The following CRBN variants were observed in gnomAD, a reference collection of about 807,000 sequenced individuals.
CRBN encodes the protein protein cereblon.
In CRBN, 53 loss-of-function variants were observed where a neutral mutation model predicts 62.2. The observed-to-expected ratio is 0.85, with a 90% confidence interval of 0.68 to 1.07. CRBN has a LOEUF of 1.07. Among genes scored for constraint, CRBN ranks in the 50% least tolerant of loss-of-function variants. The probability of loss-of-function intolerance (pLI) is 0.00; values close to 1 mark genes in which losing one functional copy is unlikely to be tolerated. For missense variants in CRBN, 616 were observed against 531.1 expected (o/e 1.16, Z -1.57); for synonymous variants, 208 against 176.1 (o/e 1.18, Z -1.43).
downstream of CRBN, chr3:3,149,839 A>ATTAGT (rs1008783154): frequency 2.0e-5 from 3 of 152,156 alleles, no homozygotes; most frequent in African/African-American, 7.2e-5. Context: ...ATTTAACCTG[A>ATTAGT]TTAGTTTTAA....
At chr3:3,170,357 C>T (rs1275505571) in intron 4 of CRBN, among the ~76,000 whole-genome samples, 1 of 152,020 alleles carries the variant, frequency 6.6e-6, no homozygotes, top group African/African-American at 2.4e-5. Context: ...TTTTATTTTT[C>T]TATATGCTTA....
chr3:3,170,521 T>C (rs1051748045), intron 4 of CRBN, among the ~76,000 whole-genome samples: 6 of 152,188 alleles, frequency 3.9e-5, no homozygotes, highest in Admixed American at 2.0e-4. Context: ...CTGTCGCTTA[T>C]TTGCTGTTTA....
intron 4 of CRBN, among the ~76,000 whole-genome samples, chr3:3,171,152 T>G (rs1204564156): frequency 6.6e-6 from 1 of 152,212 alleles, no homozygotes; most frequent in East Asian, 1.9e-4. Flanking sequence ...TGTCTTGTTT[T>G]CAGAGTTAAC....
In CRBN at chr3:3,167,727, T is replaced by C. The variant is rs778178677; in HGVS notation, c.594A>G (p.Gln198=). The part of the protein sequence containing the change: ...CVLPSTMSAV[Q]LESLNKCQIF... ...TCTGGCACTTATTGAGGGATTCTAA[T>C]TGAACTGCAGACATGGTTGAAGGCA... Residue 198 remains glutamine (Q), a synonymous_variant, in exon 5 of 11, where the codon CAA becomes CAG. Transcript: ENST00000231948. 10 of 1,613,562 alleles carry C rather than the reference T, an allele frequency of 6.2e-6. No homozygotes were observed. The highest frequency in any genetic ancestry group is 2.7e-5 in the African/African-American group (2 of 74,908).
chr3:3,152,629 A>C, intron 9 of CRBN, 42 bp from the exon 10 acceptor site: 1 of 1,612,766 alleles, frequency 6.2e-7, no homozygotes, highest in African/African-American at 1.3e-5. Context: ...CAAAACGAGA[A>C]GTCTAATTTT....
rs1045309 is a variant in CRBN, at chr3:3,174,217, G to C, written c.219C>G (p.His73Gln). The change falls in exon 3 of 11, where the codon CAC becomes CAG. Residue 73 changes from histidine (H) to glutamine (Q), a missense_variant. Physicochemically the swap from His to Gln is conservative, Grantham distance 24. Coordinates refer to ENST00000231948, the MANE Select transcript of CRBN (RefSeq NM_016302.4). ...DMEEFHGRTL[H>Q]DDDSCQVIPV... Reference sequence around the variant, plus strand: ...GAATCACCTGACAGCTGTCGTCATCGTGCAAAGTCCTGCCATGAAATTCTT... The same window carrying C: ...GAATCACCTGACAGCTGTCGTCATCCTGCAAAGTCCTGCCATGAAATTCTT... 1 of 1,614,106 alleles carries C rather than the reference G, an allele frequency of 6.2e-7. No homozygotes were observed. Among genetic ancestry groups the C allele is most frequent in the African/African-American group, 1.3e-5 (1 of 75,010 alleles).
chr3:3,159,658 T>C (rs1707055533), intron 5 of CRBN, among the ~76,000 whole-genome samples: 1 of 152,190 alleles, frequency 6.6e-6, no homozygotes, highest in South Asian at 2.1e-4. Context: ...TAAAATTCTT[T>C]ATCTGGAGCA....
At chr3:3,158,536 C>G (rs570193895) in intron 5 of CRBN, among the ~76,000 whole-genome samples, 1 of 152,324 alleles carries the variant, frequency 6.6e-6, no homozygotes, top group Admixed American at 6.5e-5. Context: ...AGATTATTGT[C>G]ACAGTCCAGT....
intron 6 of CRBN, 134 bp downstream of exon 6, chr3:3,156,085 T>G: frequency 3.8e-6 from 3 of 784,894 alleles, no homozygotes; most frequent in Middle Eastern, 3.7e-4. Flanking sequence ...ATTACAGGTG[T>G]GAGCCACCAC....
intron 1 of CRBN, 43 bp downstream of exon 1, chr3:3,179,578 C>T: frequency 6.3e-7 from 1 of 1,593,310 alleles, no homozygotes; most frequent in Non-Finnish European, 8.6e-7. Flanking sequence ...GGCTCCGAGC[C>T]TCGCCCCACT....
intron 3 of CRBN, among the ~76,000 whole-genome samples, chr3:3,173,256 C>G (rs1181303293): frequency 2.6e-5 from 4 of 152,082 alleles, no homozygotes; most frequent in African/African-American, 7.2e-5. Context: ...CGGGGTTTCA[C>G]CATGTTGGTC....
intron 5 of CRBN, among the ~76,000 whole-genome samples, chr3:3,158,559 G>T (rs539206695): frequency 6.6e-6 from 1 of 152,188 alleles, no homozygotes; most frequent in African/African-American, 2.4e-5. Context: ...CAGAATTTAA[G>T]AAAATACTAC....
In CRBN at chr3:3,154,452, G is replaced by T. The variant is rs541198849; in HGVS notation, c.835+295C>A. 6.3e-6 allele frequency: 3 copies of T among 477,694 alleles called. No individual in the cohort carries two copies. In the East Asian group the frequency reaches 1.2e-4, roughly 20 times the overall value. 29.6% of individuals were successfully genotyped at this position (477,694 alleles called of 1,614,324 possible). ...CTTTTAAAGGCACCTTGAAGAACAG[G>T]GAAAGGAGTCCTTACACAGGAAGTG... On this transcript the variant is annotated intron_variant, in intron 7 of 10. Coordinates refer to ENST00000231948, the MANE Select transcript of CRBN (RefSeq NM_016302.4).
At chr3:3,153,230 C>A (rs1463680429) in intron 9 of CRBN, 194 bp downstream of exon 9, 3 of 542,018 alleles carry the variant, frequency 5.5e-6, no homozygotes, top group Non-Finnish European at 1.0e-5. Flanking sequence ...TGTGAATAAT[C>A]CCTGACATGC....
intron 2 of CRBN, among the ~76,000 whole-genome samples, chr3:3,174,672 G>A (rs1011193722): frequency 1.2e-5 from 1 of 84,368 alleles, no homozygotes; most frequent in Admixed American, 1.1e-4. Context: ...TACAAATGGG[G>A]TTACAAACAC....
intron 4 of CRBN, among the ~76,000 whole-genome samples, chr3:3,171,202 CAA>C (rs1192768958): frequency 1.3e-5 from 2 of 152,158 alleles, no homozygotes; most frequent in African/African-American, 4.8e-5. Flanking sequence ...TTTCCACAAT[CAA>C]AAGTCACTAA....
intron 2 of CRBN, among the ~76,000 whole-genome samples, 169 bp from the exon 3 acceptor site, chr3:3,174,430 C>A (rs1254946705): frequency 4.6e-5 from 7 of 152,104 alleles, no homozygotes; most frequent in African/African-American, 7.2e-5. Context: ...CACCTGAGGT[C>A]AGGAGTTCAA....
chr3:3,168,624 C>G (rs1707454528), intron 4 of CRBN, among the ~76,000 whole-genome samples: 2 of 152,066 alleles, frequency 1.3e-5, no homozygotes, highest in African/African-American at 4.8e-5. Context: ...TATTAAAAGT[C>G]TCTGCTTTAT....
intron 5 of CRBN, among the ~76,000 whole-genome samples, chr3:3,160,460 T>C (rs1014780254): frequency 1.3e-5 from 2 of 152,216 alleles, no homozygotes; most frequent in Non-Finnish European, 2.9e-5. Flanking sequence ...GATGGAATGA[T>C]AAGCTCTTTC....
Sources: allele counts gnomAD v4.1 joint callset (sites outside exome capture counted in the v4.1 genomes callset), GRCh38; gene constraint gnomAD v4.1.1; transcripts MANE v1.5; gene names NCBI Gene and HGNC (gene_info 2026-07-23, HGNC 2026-07-21).